TNC: variants seen among roughly 807,000 people sequenced by gnomAD.
The protein encoded by TNC is tenascin C.
TNC carries 109 observed loss-of-function variants against 202.4 expected under a neutral mutation model. The observed-to-expected ratio is 0.54, with a 90% CI of 0.46 to 0.63. The LOEUF is 0.63. TNC is among the 30% of genes least tolerant of loss of function. TNC has a pLI of 0.00. For missense variants in TNC, 2,756 were observed against 2,833.3 expected (o/e 0.97, Z 0.62); for synonymous variants, 1,007 against 1,089.7 (o/e 0.92, Z 1.50).
At chr9:115,105,435 C>T (rs1836540393) in intron 1 of TNC, among the ~76,000 whole-genome samples, 1 of 152,162 alleles carries the variant, frequency 6.6e-6, no homozygotes, top group Non-Finnish European at 1.5e-5. Flanking sequence ...TTATTTTTCA[C>T]AGTTTATGGA....
At chr9:115,070,572 C>T (rs1471737977) in intron 10 of TNC, among the ~76,000 whole-genome samples, 1 of 152,192 alleles carries the variant, frequency 6.6e-6, no homozygotes, top group Non-Finnish European at 1.5e-5. Flanking sequence ...TATGGTGCCA[C>T]ATCAAGAAAA....
rs1169008091 is a variant in TNC at position 115,024,133 on chromosome 9, TC to T, written c.6334del (p.Asp2112ThrfsTer43). 1 of 1,612,794 alleles carries T rather than the reference TC, an allele frequency of 6.2e-7. No individual in the cohort carries two copies. The highest frequency in any genetic ancestry group is 2.2e-5 in the East Asian group (1 of 44,834). ...TCTGCCATTGTGGTAGGCCATGGAG[TC>T]ACCTGGGAGAGACAGAAAATATGGA... ...KVEGYSGTAG[D>X]SMAYHNGRSF... On this transcript the variant is annotated frameshift_variant and splice_region_variant, in exon 27 of 28. Transcript: ENST00000350763. LOFTEE classifies it high-confidence loss of function.
In TNC at chr9:115,042,285, C is replaced by G. The variant is rs750823721; in HGVS notation, c.5182G>C (p.Val1728Leu). ...FSDITENSAT[V>L]SWRAPTAQVE... ...TGGGCTGTGGGTGCCCTCCAGCTGA[C>G]AGTAGCCGAATTTTCAGTGATGTCT... The change falls in exon 18 of 28, where the codon GTC (valine) becomes CTC (leucine). Residue 1728 changes from valine to leucine, a missense_variant. Around this residue, in one of 2 missense-constraint regions of TNC, gnomAD observed 2,559 missense variants for 2,546.0 expected, o/e 1.01. Transcript: ENST00000350763. The G allele has an allele frequency of 6.2e-7, 1 of 1,614,140 alleles. No homozygotes were observed. Among genetic ancestry groups the G allele is most frequent in the Admixed American group, 1.7e-5 (1 of 60,030 alleles).
At chr9:115,037,300 C>A (rs1830404824) in intron 20 of TNC, among the ~76,000 whole-genome samples, 1 of 152,090 alleles carries the variant, frequency 6.6e-6, no homozygotes, top group Non-Finnish European at 1.5e-5. Context: ...CTTACCTATA[C>A]CTGGAAATTG....
intron 7 of TNC, among the ~76,000 whole-genome samples, chr9:115,077,670 T>A (rs1432404456): frequency 2.0e-5 from 3 of 152,228 alleles, no homozygotes; most frequent in African/African-American, 7.2e-5. Flanking sequence ...TTATTTGAAC[T>A]TTATTTTAAC....
In TNC at chr9:115,042,332, G is replaced by C; in HGVS notation, c.5135C>G (p.Ser1712Cys). The C allele has an allele frequency of 6.2e-7, 1 of 1,614,048 alleles. No homozygotes were observed. The highest frequency in any genetic ancestry group is 8.5e-7 in the Non-Finnish European group (1 of 1,179,952). ...VSAIATTAMGSPKEVIFSDIT... is the reference protein window; with the variant it reads ...VSAIATTAMGCPKEVIFSDIT... ...GTCTGAGAAAATGACTTCCTTTGGG[G>C]AGCCCATGGCTGTCAAGAAGAAAGC... Residue 1712 changes from serine to cysteine, a missense_variant, in exon 18 of 28, where the codon TCC (serine) becomes TGC (cysteine). This residue lies in a region of TNC where 2,559 missense variants were observed against 2,546.0 expected (regional missense o/e 1.01). Transcript: ENST00000350763.
intron 9 of TNC, among the ~76,000 whole-genome samples, chr9:115,074,835 G>A (rs1833720016): frequency 6.6e-6 from 1 of 152,152 alleles, no homozygotes; most frequent in African/African-American, 2.4e-5. Flanking sequence ...TGCAAAACTG[G>A]TGAAATATAA....
chr9:115,025,914 A>G (rs1476288090), intron 26 of TNC, among the ~76,000 whole-genome samples: 1 of 152,206 alleles, frequency 6.6e-6, no homozygotes. Flanking sequence ...GGGCCACTTG[A>G]GAGGTGAGAC....
chr9:115,079,664 C>T (rs752210091), intron 6 of TNC, among the ~76,000 whole-genome samples: 14 of 152,280 alleles, frequency 9.2e-5, no homozygotes, highest in Admixed American at 3.3e-4. Context: ...TATGACGACC[C>T]CACAAGGAGA....
chr9:115,059,655 C>T lies in TNC; in HGVS notation c.4306+75G>A, dbSNP rs112506224. 19 of 1,445,936 alleles carry T rather than the reference C, an allele frequency of 1.3e-5. No homozygotes were observed. In the African/African-American group the frequency reaches 2.0e-4, roughly 15 times the overall value. 89.6% of individuals were successfully genotyped at this position (1,445,936 alleles called of 1,614,324 possible). A position where few individuals can be genotyped will look rare whatever the true frequency, so the allele number is the denominator to read the frequency against. ...AAAAGGATTCAGTTATGGCGAGATG[C>T]TGACTCCGCGCATGATCTCTTGAAA... On this transcript the variant is annotated intron_variant, in intron 14 of 27. Coordinates refer to ENST00000350763, the MANE Select transcript of TNC (RefSeq NM_002160.4).
chr9:115,046,510 C>A lies in TNC; in HGVS notation c.5025G>T (p.Arg1675Ser). The change falls in exon 17 of 28, where the codon AGG becomes AGT. Residue 1675 changes from arginine to serine, a missense_variant. Arg to Ser is a moderately radical substitution (Grantham distance 110). Transcript: ENST00000350763. ...EITLLAPERT[R>S]DITGLREATE... ...TAGCCTCTCTGAGACCTGTTATGTC[C>A]CTGGTACGTTCGGGGGCAAGTAGGG... 1 of 1,614,090 alleles carries A rather than the reference C, an allele frequency of 6.2e-7. No homozygotes were observed. The highest frequency in any genetic ancestry group is 1.6e-4 in the Middle Eastern group (1 of 6,062).
At chr9:115,050,555 G>GA (rs760109287) in intron 15 of TNC, among the ~76,000 whole-genome samples, 1 of 152,120 alleles carries the variant, frequency 6.6e-6, no homozygotes, top group East Asian at 1.9e-4. Context: ...AACTGGATAG[G>GA]AAAAAATACT....
At chr9:115,026,907 G>C (rs556283070) in intron 25 of TNC, among the ~76,000 whole-genome samples, 16 of 151,962 alleles carry the variant, frequency 1.1e-4, no homozygotes, top group Admixed American at 2.6e-4. Flanking sequence ...TCAGGAGTTC[G>C]TTATCAGCCT....
intron 1 of TNC, among the ~76,000 whole-genome samples, chr9:115,110,749 T>TC (rs1235192007): frequency 3.3e-5 from 5 of 152,198 alleles, no homozygotes; most frequent in African/African-American, 1.2e-4. Context: ...GAAAGGCCCC[T>TC]CCCTGGGGTG....
rs1193225604 is a variant in TNC, at chr9:115,082,704, G to A, written c.2235C>T (p.Ile745=). The A allele has an allele frequency of 1.9e-6, 3 of 1,610,112 alleles. No individual in the cohort carries two copies. Among genetic ancestry groups the A allele is most frequent in the East Asian group, 2.2e-5 (1 of 44,878 alleles). ...TTGTACTCCTTACCATATTCCGGAA[G>A]ATGATCTCCCAGGTTTCAAAAGCAA... is the stretch of plus-strand genomic sequence containing the variant. ...LDIAFETWEI[I]FRNMNKEDEG... Residue 745 remains isoleucine, a synonymous_variant, in exon 5 of 28, where the codon ATC becomes ATT. Transcript: ENST00000350763.
At chr9:115,083,030 TTAAATC>T (rs1278536636) in intron 4 of TNC, among the ~76,000 whole-genome samples, 3 of 152,228 alleles carry the variant, frequency 2.0e-5, no homozygotes, top group Non-Finnish European at 4.4e-5. Flanking sequence ...TTTCATATGT[TTAAATC>T]TAAAATGAAC....
chr9:115,030,493 G>T, intron 23 of TNC, 88 bp from the exon 24 acceptor site: 1 of 1,390,616 alleles, frequency 7.2e-7, no homozygotes, highest in Non-Finnish European at 9.6e-7. Flanking sequence ...GGACTAGAAT[G>T]CCTGGGGAAT....
chr9:115,091,304 G>A, intron 1 of TNC, 150 bp from the exon 2 acceptor site: 1 of 376,582 alleles, frequency 2.7e-6, no homozygotes, highest in South Asian at 4.5e-5. Flanking sequence ...AACATACAAT[G>A]GTCTCTAAAA....
chr9:115,086,126 G>A lies in TNC; in HGVS notation c.1605C>T (p.Asp535=). 1.2e-6 allele frequency: 2 copies of A among 1,614,002 alleles called. No individual in the cohort carries two copies. Among genetic ancestry groups the A allele is most frequent in the Non-Finnish European group, 1.7e-6 (2 of 1,179,904 alleles). ...TCACACAGCGACCCTGGCCATGGCA[G>A]TCATTTGGACAGGAGAGTTCTGCAC... is the stretch of plus-strand genomic sequence containing the variant. The part of the protein sequence containing the change: ...PDCAELSCPN[D]CHGQGRCVNG... Residue 535 remains aspartate (D), a synonymous_variant, in exon 3 of 28, where the codon GAC becomes GAT. Transcript: ENST00000350763.
Sources: gnomAD v4.1 joint callset for allele counts (sites outside exome capture counted in the v4.1 genomes callset) on GRCh38, gnomAD v4.1.1 for gene constraint, gnomAD v4.1.1 regional missense constraint, MANE v1.5 for transcripts, NCBI Gene and HGNC (gene_info 2026-07-23, HGNC 2026-07-21) for gene names.